Variants in ADGRB2 observed in about 807,000 individuals in gnomAD.
ADGRB2 encodes adhesion G protein-coupled receptor B2, also known as brain-specific angiogenesis inhibitor 2.
ADGRB2 carries 47 observed loss-of-function variants against 178.7 expected under a neutral mutation model. The observed-to-expected ratio is 0.26, with a 90% CI of 0.21 to 0.34. The LOEUF is 0.34. ADGRB2 is among the 10% of genes least tolerant of loss of function. ADGRB2 has a pLI of 1.00. For synonymous variants in ADGRB2, 870 were observed against 912.4 expected (o/e 0.95, Z 0.84); for missense variants, 1,584 against 2,180.8 (o/e 0.73, Z 5.45).
rs1212265913 is a variant in ADGRB2 at position 31,764,069 on chromosome 1, G to A, written c.-376C>T. ...AAAAGGCGCCGCGGAGCAGCGCGGG[G>A]CGGGCGGGCGGGCGGCGCCGGGCCG... On this transcript the variant is annotated 5_prime_UTR_variant, in exon 1 of 33. Coordinates refer to ENST00000373658, the MANE Select transcript of ADGRB2 (RefSeq NM_001364857.2). The surrounding 1 kb of genome is among the most constrained non-coding windows in gnomAD (Gnocchi z 7.3). The A allele has an allele frequency of 1.5e-5, 14 of 940,082 alleles. No individual in the cohort carries two copies. Among genetic ancestry groups the A allele is most frequent in the Non-Finnish European group, 1.6e-5 (13 of 793,458 alleles). 58.2% of individuals were successfully genotyped at this position (940,082 alleles called of 1,614,324 possible).
Position 31,735,420 on chromosome 1 carries a change from C to T in ADGRB2, c.3354-139G>A, listed in dbSNP as rs1401717581. 4.1e-6 allele frequency: 5 copies of T among 1,214,254 alleles called. No individual in the cohort carries two copies. The highest frequency in any genetic ancestry group is 2.5e-5 in the East Asian group (1 of 39,274). 75.2% of individuals were successfully genotyped at this position (1,214,254 alleles called of 1,614,324 possible). A position where few individuals can be genotyped will look rare whatever the true frequency, so the allele number is the denominator to read the frequency against. ...CTGGGTTAGGGTGGGTGAGGGGCTG[C>T]GGCTGAGCACTCCGGGTGCCCACCT... On this transcript the variant is annotated intron_variant, in intron 24 of 32. Coordinates refer to ENST00000373658, the MANE Select transcript of ADGRB2 (RefSeq NM_001364857.2). The surrounding 1 kb of genome is among the most constrained non-coding windows in gnomAD (Gnocchi z 6.0).
chr1:31,732,953 G>A lies in ADGRB2; in HGVS notation c.3624+19C>T, dbSNP rs774060384. 1.1e-5 allele frequency: 17 copies of A among 1,549,112 alleles called. No homozygotes were observed. Among genetic ancestry groups the A allele is most frequent in the African/African-American group, 4.1e-5 (3 of 73,158 alleles). On this transcript the variant is annotated intron_variant, in intron 26 of 32. Transcript: ENST00000373658. ...GCAGGTGTGGTGGGCACACACAGGC[G>A]GGAGAGGCCCAGCCCCACCTCTCGG...
At position 31,764,252 on chromosome 1, in the gene ADGRB2, C is replaced by A; in HGVS notation, c.-559G>T. 1 of 170,750 alleles carries A rather than the reference C, an allele frequency of 5.9e-6. No individual in the cohort carries two copies. Among genetic ancestry groups the A allele is most frequent in the South Asian group, 1.7e-4 (1 of 5,796 alleles). 10.6% of individuals were successfully genotyped at this position (170,750 alleles called of 1,614,324 possible). ...GCTCTGAGAGCCGGTGCCGCATCCT[C>A]TTCGGTCTCTGAGCGCCGCCGCCGC... On this transcript the variant is annotated 5_prime_UTR_variant, in exon 1 of 33. Coordinates refer to ENST00000373658, the MANE Select transcript of ADGRB2 (RefSeq NM_001364857.2). This position sits in a 1 kb window ranked among gnomAD's most constrained non-coding sequence, Gnocchi z 7.3.
At chr1:31,762,119 A>G (rs1170104732) in intron 1 of ADGRB2, among the ~76,000 whole-genome samples, 1 of 152,146 alleles carries the variant, frequency 6.6e-6, no homozygotes, top group African/African-American at 2.4e-5. Flanking sequence ...ACTTTGTGTT[A>G]CAGAAATGCA....
intron 4 of ADGRB2, among the ~76,000 whole-genome samples, chr1:31,748,007 C>T (rs545324003): frequency 2.0e-5 from 3 of 152,332 alleles, no homozygotes; most frequent in Admixed American, 2.0e-4. Context: ...TCCTGCCCAT[C>T]GTCGTGTCTG....
rs762048240 is a variant in ADGRB2 at position 31,738,858 on chromosome 1, T to A, written c.2575A>T (p.Thr859Ser). 6.2e-7 allele frequency: 1 copy of A among 1,613,960 alleles called. No homozygotes were observed. Among genetic ancestry groups the A allele is most frequent in the Admixed American group, 1.7e-5 (1 of 60,022 alleles). ...PTQPPAEPLI[T>S]VELSYIINGT... ...TTGATGATGTAGGAGAGCTCCACAG[T>A]GATGAGGGGCTCAGCTGGAGGCTGG... is the stretch of plus-strand genomic sequence containing the variant. The change falls in exon 16 of 33, where the codon ACT becomes TCT. Residue 859 changes from threonine to serine, a missense_variant. This residue lies in a region of ADGRB2 where 865 missense variants were observed against 1,192.8 expected (regional missense o/e 0.73). Transcript: ENST00000373658.
At position 31,758,007 on chromosome 1, in the gene ADGRB2, C is replaced by T. The variant is rs1199133870; in HGVS notation, c.-190-496G>A. Among the ~76,000 whole-genome samples the T allele has an allele frequency of 2.6e-5, 4 of 152,146 alleles. No individual in the cohort carries two copies. Among genetic ancestry groups the T allele is most frequent in the Admixed American group, 2.6e-4 (4 of 15,280 alleles). On this transcript the variant is annotated intron_variant, in intron 1 of 32. Transcript: ENST00000373658. The surrounding 1 kb of genome is among the most constrained non-coding windows in gnomAD (Gnocchi z 4.2). ...CTGAGGATGGGGGGAGCTGCAGGTG[C>T]CCTCCCACCCACCAGGCCAGGGCTG...
chr1:31,746,655 A>ACT lies in ADGRB2; in HGVS notation c.839-1926_839-1925dup, dbSNP rs1302007965. The stretch of plus-strand genomic sequence containing the variant: ...TCTCTCCTCAAGCTCATCTCTGCCC[A>ACT]CTCTCTCAGCGATGACCTCAACATC... On this transcript the variant is annotated intron_variant, in intron 4 of 32. Coordinates refer to ENST00000373658, the MANE Select transcript of ADGRB2 (RefSeq NM_001364857.2). 2.6e-5 allele frequency among the ~76,000 whole-genome samples: 4 copies of ACT among 151,192 alleles called. No individual in the cohort carries two copies. In the East Asian group the frequency reaches 7.8e-4, roughly 29 times the overall value.
chr1:31,741,719 T>C lies in ADGRB2; in HGVS notation c.1592A>G (p.His531Arg). 2 of 1,612,998 alleles carry C rather than the reference T, an allele frequency of 1.2e-6. No homozygotes were observed. The highest frequency in any genetic ancestry group is 2.2e-5 in the South Asian group (2 of 91,040). The part of the protein sequence containing the change: ...PCSEKRCPAF[H>R]EMCRDEYVML... ...CACGTACTCATCCCTGCACATCTCATGGAAGGCTGTGGGTGCAGGGGTAAG... is the reference window on the plus strand; with the variant it reads ...CACGTACTCATCCCTGCACATCTCACGGAAGGCTGTGGGTGCAGGGGTAAG... The change falls in exon 10 of 33, where the codon CAT (histidine) becomes CGT (arginine). Residue 531 changes from histidine to arginine, a missense_variant. Around this residue, in one of 3 missense-constraint regions of ADGRB2, gnomAD observed 657 missense variants for 847.6 expected, o/e 0.78. Coordinates refer to ENST00000373658, the MANE Select transcript of ADGRB2 (RefSeq NM_001364857.2). This position sits in a 1 kb window ranked among gnomAD's most constrained non-coding sequence, Gnocchi z 6.5.
chr1:31,757,331 T>C (rs1570082992), intron 2 of ADGRB2, 50 bp from the exon 3 acceptor site: 10 of 1,362,692 alleles, frequency 7.3e-6, no homozygotes, highest in Non-Finnish European at 1.0e-5. Flanking sequence ...TGCTTTTTTA[T>C]AAATTAGAGC....
At position 31,757,379 on chromosome 1, in the gene ADGRB2, CACTT is replaced by C. The variant is rs757764225; in HGVS notation, c.-62_-61+2del. 552 of 972,862 alleles carry C rather than the reference CACTT, an allele frequency of 5.7e-4. 1 individual carries two copies. Among genetic ancestry groups the C allele is most frequent in the Non-Finnish European group, 6.8e-4 (422 of 622,038 alleles). 60.3% of individuals were successfully genotyped at this position (972,862 alleles called of 1,614,324 possible). ...TTCCTGGAACAATGTCATTCTCACTCACTTGCTTTACTGAGAGGGAGAGAAAGGG... is the reference window on the plus strand; with the variant it reads ...TTCCTGGAACAATGTCATTCTCACTCGCTTTACTGAGAGGGAGAGAAAGGG... On this transcript the variant is annotated splice_donor_variant and 5_prime_UTR_variant, in exon 2 of 33. Coordinates refer to ENST00000373658, the MANE Select transcript of ADGRB2 (RefSeq NM_001364857.2). LOFTEE classifies it low-confidence loss of function (5UTR_SPLICE).
At chr1:31,742,787 C>A in intron 7 of ADGRB2, 51 bp downstream of exon 7, 1 of 1,370,012 alleles carries the variant, frequency 7.3e-7, no homozygotes, top group Non-Finnish European at 9.5e-7. Flanking sequence ...GTCTCCCGAC[C>A]CCCCACCGGG....
In ADGRB2 at chr1:31,741,876, C is replaced by G; in HGVS notation, c.1509G>C (p.Gln503His). ...AGGGGTAGCCCTGCGTGCCCGTGGC[C>G]TGGCACATGCGGAAGCGGCGCTGCC... ...TGWQRRFRMC[Q>H]ATGTQGYPCE... The change falls in exon 9 of 33, where the codon CAG becomes CAC. Residue 503 changes from glutamine to histidine, a missense_variant. By Grantham distance (24) the Gln-to-His change is conservative (BLOSUM62 0). Coordinates refer to ENST00000373658, the MANE Select transcript of ADGRB2 (RefSeq NM_001364857.2). The surrounding 1 kb of genome is among the most constrained non-coding windows in gnomAD (Gnocchi z 6.5). The G allele has an allele frequency of 6.2e-7, 1 of 1,611,558 alleles. No homozygotes were observed. The highest frequency in any genetic ancestry group is 8.5e-7 in the Non-Finnish European group (1 of 1,178,206).
At chr1:31,757,073 G>GA in intron 3 of ADGRB2, 128 bp downstream of exon 3, 1 of 1,495,736 alleles carries the variant, frequency 6.7e-7, no homozygotes, top group South Asian at 1.2e-5. Flanking sequence ...AAGGACTCGC[G>GA]AGAGTGCCTG....
rs1646892043 is a variant in ADGRB2 at position 31,757,387 on chromosome 1, T to TTA, written c.-68_-67dup. 1 of 917,720 alleles carries TTA rather than the reference T, an allele frequency of 1.1e-6. No homozygotes were observed. Among genetic ancestry groups the TTA allele is most frequent in the Non-Finnish European group, 1.7e-6 (1 of 577,874 alleles). 56.8% of individuals were successfully genotyped at this position (917,720 alleles called of 1,614,324 possible). The stretch of plus-strand genomic sequence containing the variant: ...ACAATGTCATTCTCACTCACTTGCT[T>TTA]TACTGAGAGGGAGAGAAAGGGGCGG... On this transcript the variant is annotated 5_prime_UTR_variant, in exon 2 of 33. The change abolishes the stop of an existing upstream ORF in the 5' untranslated region. Transcript: ENST00000373658.
rs1187059409 is a variant in ADGRB2, at chr1:31,727,314, C to G, written c.*106G>C. ...GAGTCCACGGCGCCTCCCTGCCCAGCCCTCGGGAGAGGGGAGAGGGCGCTG... is the reference window on the plus strand; with the variant it reads ...GAGTCCACGGCGCCTCCCTGCCCAGGCCTCGGGAGAGGGGAGAGGGCGCTG... On this transcript the variant is annotated 3_prime_UTR_variant, in exon 33 of 33. Transcript: ENST00000373658. The surrounding 1 kb of genome is among the most constrained non-coding windows in gnomAD (Gnocchi z 4.4). 1 of 1,375,934 alleles carries G rather than the reference C, an allele frequency of 7.3e-7. No individual in the cohort carries two copies. The highest frequency in any genetic ancestry group is 9.5e-7 in the Non-Finnish European group (1 of 1,048,866). The allele number at this position is 1,375,934 out of a possible 1,614,324, so 85.2% of individuals were successfully genotyped here. A position where few individuals can be genotyped will look rare whatever the true frequency, so the allele number is the denominator to read the frequency against.
rs770084496 is a variant in ADGRB2 at position 31,741,502 on chromosome 1, T to C, written c.1688-23A>G. On this transcript the variant is annotated intron_variant, in intron 10 of 32. Coordinates refer to ENST00000373658, the MANE Select transcript of ADGRB2 (RefSeq NM_001364857.2). The surrounding 1 kb of genome is among the most constrained non-coding windows in gnomAD (Gnocchi z 6.5). ...ACCCTGCAGGGCAATAGGACAGAGG[T>C]CTGGGCATGGGGGCCGAGCTCTCAC... 3.2e-5 allele frequency: 51 copies of C among 1,582,496 alleles called. No individual in the cohort carries two copies. The Admixed American group carries it at 9.4e-4, about 29-fold the overall frequency.
At chr1:31,734,590 C>T (rs1182618377) in intron 25 of ADGRB2, among the ~76,000 whole-genome samples, 2 of 152,304 alleles carry the variant, frequency 1.3e-5, no homozygotes, top group South Asian at 2.1e-4. Context: ...GAGGTTGAGC[C>T]TAAGGTCTTT....
Position 31,730,831 on chromosome 1 carries a change from G to A in ADGRB2, c.4349C>T (p.Pro1450Leu), listed in dbSNP as rs1645243379. 4.0e-6 allele frequency: 6 copies of A among 1,516,574 alleles called. No homozygotes were observed. In the East Asian group the frequency reaches 1.4e-4, roughly 35 times the overall value. The allele number at this position is 1,516,574 out of a possible 1,614,324, so 93.9% of individuals were successfully genotyped here. ...ERSRTMPRTV[P>L]GSTMKMGSLE... is the part of the protein sequence containing the mutation. Reference sequence around the variant, plus strand: ...GGAGCCCATCTTCATGGTAGAGCCGGGCACGGTGCGAGGCATGGTCCGGCT... The same window carrying A: ...GGAGCCCATCTTCATGGTAGAGCCGAGCACGGTGCGAGGCATGGTCCGGCT... The change falls in exon 29 of 33, where the codon CCC (proline) becomes CTC (leucine). Residue 1450 changes from proline (P) to leucine (L), a missense_variant. By Grantham distance (98) the Pro-to-Leu change is moderately conservative (BLOSUM62 -3). This residue lies in a region of ADGRB2 where 865 missense variants were observed against 1,192.8 expected (regional missense o/e 0.73). Coordinates refer to ENST00000373658, the MANE Select transcript of ADGRB2 (RefSeq NM_001364857.2).
Sources: gnomAD v4.1 joint callset for allele counts (sites outside exome capture counted in the v4.1 genomes callset) on GRCh38, gnomAD v4.1.1 for gene constraint, gnomAD v4.1.1 regional missense constraint, Gnocchi (gnomAD v3.1) non-coding constraint, MANE v1.5 for transcripts, NCBI Gene and HGNC (gene_info 2026-07-23, HGNC 2026-07-21) for gene names.